ESYT2: variants seen among roughly 807,000 people sequenced by gnomAD.
ESYT2 encodes extended synaptotagmin-2.
ESYT2 carries 54 observed loss-of-function variants against 107.2 expected under a neutral mutation model. The observed-to-expected ratio is 0.50, with a 90% confidence interval of 0.40 to 0.63. The LOEUF is 0.63. ESYT2 is among the 30% of genes least tolerant of loss of function. ESYT2 has a pLI of 0.00. For missense variants in ESYT2, 1,020 were observed against 1,094.5 expected, an observed-to-expected ratio of 0.93 and a Z score of 0.96; for synonymous variants, 491 against 434.1, an observed-to-expected ratio of 1.13 and a Z score of -1.63.
At chr7:158,802,876 A>T (rs1331258970) in intron 1 of ESYT2, among the ~76,000 whole-genome samples, 1 of 152,250 alleles carries the variant, frequency 6.6e-6, no homozygotes, top group African/African-American at 2.4e-5. Context: ...CTAAACATGA[A>T]ATCATGAACT....
intron 3 of ESYT2, 145 bp downstream of exon 3, chr7:158,797,797 T>A: frequency 9.3e-7 from 1 of 1,074,412 alleles, no homozygotes. Context: ...GAGTTTGCAG[T>A]GAGCCAAGAT....
rs2129472572 is a variant in ESYT2, at chr7:158,773,327, G to A, written c.803+14C>T. 6.2e-7 allele frequency: 1 copy of A among 1,613,980 alleles called. No homozygotes were observed. The highest frequency in any genetic ancestry group is 8.5e-7 in the Non-Finnish European group (1 of 1,179,914). ...CTCGAACGCTAAGCCTCCGGGACCA[G>A]ACACGAGACTTACTTCAATCCAGGG... is the stretch of plus-strand genomic sequence containing the variant. On this transcript the variant is annotated intron_variant, in intron 7 of 22. Coordinates refer to ENST00000275418, the MANE Select transcript of ESYT2 (RefSeq NM_001367773.1).
chr7:158,781,645 G>A (rs1030234976), intron 6 of ESYT2, among the ~76,000 whole-genome samples: 1 of 150,414 alleles, frequency 6.6e-6, no homozygotes, highest in Non-Finnish European at 1.5e-5. Flanking sequence ...AGTGAGGTGT[G>A]TGAAAGAACA....
At chr7:158,744,943 A>C (rs879934910) in intron 16 of ESYT2, among the ~76,000 whole-genome samples, 1 of 152,230 alleles carries the variant, frequency 6.6e-6, no homozygotes, top group Non-Finnish European at 1.5e-5. Context: ...TTTAAAATCC[A>C]AGGTCCAGTA....
intron 1 of ESYT2, among the ~76,000 whole-genome samples, chr7:158,817,505 G>A (rs1316914822): frequency 1.3e-5 from 2 of 152,202 alleles, no homozygotes; most frequent in African/African-American, 4.8e-5. Flanking sequence ...GAATGTACCC[G>A]CTTCCAGCTG....
intron 13 of ESYT2, among the ~76,000 whole-genome samples, chr7:158,758,384 G>A (rs1438343483): frequency 6.6e-6 from 1 of 152,216 alleles, no homozygotes; most frequent in Non-Finnish European, 1.5e-5. Flanking sequence ...ATGAAGCGTA[G>A]TCTGACCACG....
chr7:158,798,167 A>C lies in ESYT2; in HGVS notation c.373-91T>G, dbSNP rs1839526511. 8 of 1,374,124 alleles carry C rather than the reference A, an allele frequency of 5.8e-6. No homozygotes were observed. The East Asian group carries it at 1.7e-4, about 28-fold the overall frequency. 85.1% of individuals were successfully genotyped at this position (1,374,124 alleles called of 1,614,324 possible). A position where few individuals can be genotyped will look rare whatever the true frequency, so the allele number is the denominator to read the frequency against. ...GTGAGAAACCCTCGCAACAGACCAA[A>C]CCTGGTTTTGAAAATAAAGGGCGGG... On this transcript the variant is annotated intron_variant, in intron 2 of 22. Coordinates refer to ENST00000275418, the MANE Select transcript of ESYT2 (RefSeq NM_001367773.1).
chr7:158,785,584 C>T (rs1292704052), intron 6 of ESYT2, among the ~76,000 whole-genome samples: 2 of 152,146 alleles, frequency 1.3e-5, no homozygotes, highest in African/African-American at 4.8e-5. Flanking sequence ...ATTCATTTGG[C>T]ATTTAATTTT....
chr7:158,814,362 A>C (rs1584883392), intron 1 of ESYT2, among the ~76,000 whole-genome samples: 2 of 125,434 alleles, frequency 1.6e-5, no homozygotes, highest in African/African-American at 3.1e-5. Context: ...AATATACCTT[A>C]CTCGTCCAGA....
At chr7:158,754,146 C>A (rs745533127) in intron 13 of ESYT2, among the ~76,000 whole-genome samples, 1 of 152,034 alleles carries the variant, frequency 6.6e-6, no homozygotes, top group African/African-American at 2.4e-5. Context: ...CTTGCAGCCT[C>A]GGGCTACTCA....
At chr7:158,793,432 A>AGTT (rs2129473413) in intron 4 of ESYT2, among the ~76,000 whole-genome samples, 1 of 152,148 alleles carries the variant, frequency 6.6e-6, no homozygotes, top group East Asian at 1.9e-4. Flanking sequence ...AGTGTCTTTA[A>AGTT]CTTCTTATTT....
At chr7:158,743,458 G>A (rs1837283251) in intron 17 of ESYT2, 71 bp downstream of exon 17, 1 of 1,545,506 alleles carries the variant, frequency 6.5e-7, no homozygotes, top group South Asian at 1.2e-5. Flanking sequence ...TCATGCCCGG[G>A]GCCCATGAGT....
At chr7:158,786,692 T>A (rs6970835) in intron 6 of ESYT2, among the ~76,000 whole-genome samples, 20,994 of 152,224 alleles carry the variant, frequency 0.14, 2,408 homozygotes, top group East Asian at 0.55. Flanking sequence ...TTAGTTTATG[T>A]CAGGTGTAGA....
Position 158,763,159 on chromosome 7 carries a change from C to T in ESYT2, c.1108G>A (p.Val370Met). The T allele has an allele frequency of 1.2e-6, 2 of 1,612,256 alleles. No homozygotes were observed. The highest frequency in any genetic ancestry group is 1.7e-6 in the Non-Finnish European group (2 of 1,179,014). Residue 370 changes from valine (V) to methionine (M), a missense_variant, in exon 10 of 23, where the codon GTG becomes ATG. Physicochemically the swap from Val to Met is conservative, Grantham distance 21. Transcript: ENST00000275418. Reference protein sequence around the residue: ...PKWNEVYEALVYEHPGQELEI... With the variant: ...PKWNEVYEALMYEHPGQELEI... ...AATTCTTGTCCAGGATGTTCATACA[C>T]TAAAGCCTAAAACATCAATGGTTAG...
intron 1 of ESYT2, among the ~76,000 whole-genome samples, chr7:158,818,499 AG>A (rs1840205060): frequency 6.6e-6 from 1 of 152,170 alleles, no homozygotes; most frequent in Non-Finnish European, 1.5e-5. Flanking sequence ...GAAAAACCCC[AG>A]GGCTCATCTG....
chr7:158,772,632 C>T (rs541261483), intron 7 of ESYT2, among the ~76,000 whole-genome samples: 5 of 152,198 alleles, frequency 3.3e-5, no homozygotes, highest in Admixed American at 1.3e-4. Context: ...CACAGCCCCA[C>T]GCACTGTTTC....
intron 1 of ESYT2, among the ~76,000 whole-genome samples, chr7:158,821,728 G>A (rs1401610090): frequency 6.6e-6 from 1 of 152,188 alleles, no homozygotes; most frequent in Non-Finnish European, 1.5e-5. Context: ...GCTGAGTGCA[G>A]CCTTCTACCA....
intron 22 of ESYT2, 22 bp downstream of exon 22, chr7:158,734,400 T>C (rs977801789): frequency 5.6e-6 from 9 of 1,613,514 alleles, no homozygotes; most frequent in Admixed American, 1.7e-5. Flanking sequence ...TGGGGTTCTC[T>C]GTCTGCAGCA....
At chr7:158,774,910 A>G (rs1264773728) in intron 6 of ESYT2, among the ~76,000 whole-genome samples, 1 of 152,238 alleles carries the variant, frequency 6.6e-6, no homozygotes, top group Admixed American at 6.5e-5. Flanking sequence ...TGTGTCAAGG[A>G]AAGTGGCAGG....
Sources: allele counts gnomAD v4.1 joint callset (sites outside exome capture counted in the v4.1 genomes callset), GRCh38; gene constraint gnomAD v4.1.1; transcripts MANE v1.5; gene names NCBI Gene and HGNC (gene_info 2026-07-23, HGNC 2026-07-21).